Variants in SEMA3G observed in about 807,000 individuals in gnomAD.
SEMA3G encodes semaphorin-3G.
Under a neutral mutation model 86.2 loss-of-function variants are expected in SEMA3G, and 70 were observed. The observed-to-expected ratio is 0.81, with a 90% confidence interval of 0.67 to 0.99. The LOEUF is 0.99. Ranked by LOEUF, SEMA3G falls within the 50% of genes least tolerant of loss-of-function variation. The probability of loss-of-function intolerance (pLI) is 0.00; values close to 1 mark genes in which losing one functional copy is unlikely to be tolerated. For synonymous variants in SEMA3G, 416 were observed against 441.4 expected (o/e 0.94, Z 0.72); for missense variants, 1,002 against 1,072.4 (o/e 0.93, Z 0.92).
At chr3:52,438,843 C>CGG in intron 13 of SEMA3G, 77 bp downstream of exon 13, 1 of 1,586,724 alleles carries the variant, frequency 6.3e-7, no homozygotes, top group Non-Finnish European at 8.6e-7. Context: ...GAGGAGGCTG[C>CGG]GGAGCAGGGG....
At chr3:52,439,582 A>G in intron 12 of SEMA3G, 98 bp downstream of exon 12, 1 of 951,564 alleles carries the variant, frequency 1.1e-6, no homozygotes, top group Non-Finnish European at 1.7e-6. Flanking sequence ...CAGTAAAGAC[A>G]GGCTGGCTCC....
Position 52,435,925 on chromosome 3 carries a change from G to GCCA in SEMA3G, c.2024_2026dup (p.Val675dup). ...AGGGAACAGGTTGTCCAGCTGTGAG[G>GCCA]CCACAATCACCACCAGAGCCAGGCG... On this transcript the variant is annotated inframe_insertion, in exon 16 of 16. Transcript: ENST00000231721. 6.2e-7 allele frequency: 1 copy of GCCA among 1,613,978 alleles called. No individual in the cohort carries two copies.
rs776794855 is a variant in SEMA3G at position 52,442,817 on chromosome 3, C to T, written c.206G>A (p.Arg69His). ...GGCGTCCAGGCCACCCAGAAAGAGG[C>T]GGTCTCGGTACTCATCTAGGTACAT... ...QAMYLDEYRDRLFLGGLDALY... is the reference protein window; with the variant it reads ...QAMYLDEYRDHLFLGGLDALY... Residue 69 changes from arginine (R) to histidine (H), a missense_variant, in exon 2 of 16, where the codon CGC becomes CAC. Transcript: ENST00000231721. This position sits in a 1 kb window ranked among gnomAD's most constrained non-coding sequence, Gnocchi z 6.1. The T allele has an allele frequency of 3.5e-5, 56 of 1,613,402 alleles. No homozygotes were observed. Among genetic ancestry groups the T allele is most frequent in the Non-Finnish European group, 4.3e-5 (51 of 1,179,794 alleles).
chr3:52,442,993 G>A lies in SEMA3G; in HGVS notation c.116-86C>T. ...GAGTGGAGGTGGAGGCCCCGGCTGA[G>A]CATCCACCCCTGACACACTCACATC... On this transcript the variant is annotated intron_variant, in intron 1 of 15. Coordinates refer to ENST00000231721, the MANE Select transcript of SEMA3G (RefSeq NM_020163.3). The surrounding 1 kb of genome is among the most constrained non-coding windows in gnomAD (Gnocchi z 6.1). 1.3e-6 allele frequency: 2 copies of A among 1,547,948 alleles called. No individual in the cohort carries two copies. Among genetic ancestry groups the A allele is most frequent in the South Asian group, 1.2e-5 (1 of 83,692 alleles).
In SEMA3G at chr3:52,435,526, A is replaced by G; in HGVS notation, c.*77T>C. ...ACAGACATCCTGACCCCTCTGCCCT[A>G]GCTGGGTGGGTGGGAGATGCTGGGG... On this transcript the variant is annotated 3_prime_UTR_variant, in exon 16 of 16. Coordinates refer to ENST00000231721, the MANE Select transcript of SEMA3G (RefSeq NM_020163.3). 7.1e-7 allele frequency: 1 copy of G among 1,410,660 alleles called. No homozygotes were observed. Among genetic ancestry groups the G allele is most frequent in the Non-Finnish European group, 9.7e-7 (1 of 1,028,656 alleles). 87.4% of individuals were successfully genotyped at this position (1,410,660 alleles called of 1,614,324 possible).
At position 52,440,744 on chromosome 3, in the gene SEMA3G, G is replaced by T. The variant is rs1165699424; in HGVS notation, c.998+10C>A. 4 of 1,609,670 alleles carry T rather than the reference G, an allele frequency of 2.5e-6. No homozygotes were observed. The highest frequency in any genetic ancestry group is 1.3e-5 in the African/African-American group (1 of 74,886). ...GCCCATCGCAAGGCCGGGGTGCTGG[G>T]TGTGCCCACCTGACGGTGCTGAACA... On this transcript the variant is annotated intron_variant, in intron 9 of 15. Coordinates refer to ENST00000231721, the MANE Select transcript of SEMA3G (RefSeq NM_020163.3).
chr3:52,443,607 G>T (rs1011964498), intron 1 of SEMA3G, among the ~76,000 whole-genome samples: 1 of 152,068 alleles, frequency 6.6e-6, no homozygotes, highest in African/African-American at 2.4e-5. Context: ...GGCCACCTTT[G>T]GGAAGGCCCA....
At position 52,437,954 on chromosome 3, in the gene SEMA3G, C is replaced by T. The variant is rs1266652825; in HGVS notation, c.1738+17G>A. 6.2e-7 allele frequency: 1 copy of T among 1,606,816 alleles called. No individual in the cohort carries two copies. The highest frequency in any genetic ancestry group is 1.7e-5 in the Admixed American group (1 of 59,938). On this transcript the variant is annotated intron_variant, in intron 14 of 15. Coordinates refer to ENST00000231721, the MANE Select transcript of SEMA3G (RefSeq NM_020163.3). ...AGTTCCAGCCCAGTCTGGGCCCTCC[C>T]ACCTGCCACCACTCACCTTCCTGGC... is the stretch of plus-strand genomic sequence containing the variant.
At chr3:52,439,102 A>G (rs1706100104) in intron 12 of SEMA3G, 141 bp from the exon 13 acceptor site, 1 of 876,584 alleles carries the variant, frequency 1.1e-6, no homozygotes, top group African/African-American at 1.7e-5. Context: ...AGCTAAGGCT[A>G]GACAGTCTTT....
rs762978458 is a variant in SEMA3G, at chr3:52,438,885, G to GT, written c.1509+34_1509+35insA. ...AGGAGGCTGCGGAGCAGGGGCAGAA[G>GT]GGGGGTCCAAGAGGAGGGTGGCAGC... On this transcript the variant is annotated intron_variant, in intron 13 of 15. Transcript: ENST00000231721. 4 of 1,611,270 alleles carry GT rather than the reference G, an allele frequency of 2.5e-6. No homozygotes were observed. The African/African-American group carries it at 5.3e-5, about 22-fold the overall frequency.
In SEMA3G at chr3:52,441,418, G is replaced by A; in HGVS notation, c.668-9C>T. 1 of 1,612,856 alleles carries A rather than the reference G, an allele frequency of 6.2e-7. No individual in the cohort carries two copies. The highest frequency in any genetic ancestry group is 1.3e-5 in the African/African-American group (1 of 75,062). ...CATCACAAACCGGGGGTCTGGAAGGGTGACAGGGTCATGCTGGGTGGAGGG... is the reference window on the plus strand; with the variant it reads ...CATCACAAACCGGGGGTCTGGAAGGATGACAGGGTCATGCTGGGTGGAGGG... On this transcript the variant is annotated splice_polypyrimidine_tract_variant and intron_variant, in intron 6 of 15. Transcript: ENST00000231721.
At chr3:52,437,260 T>TA (rs1447391144) in intron 15 of SEMA3G, among the ~76,000 whole-genome samples, 1 of 152,114 alleles carries the variant, frequency 6.6e-6, no homozygotes, top group Non-Finnish European at 1.5e-5. Context: ...ATGGGAGACT[T>TA]ACTGGCCTGC....
Position 52,435,737 on chromosome 3 carries a change from C to G in SEMA3G, c.2215G>C (p.Gly739Arg), listed in dbSNP as rs760223237. The change falls in exon 16 of 16, where the codon GGC becomes CGC. Residue 739 changes from glycine (G) to arginine (R), a missense_variant. Gly to Arg is a moderately radical substitution (Grantham distance 125). Transcript: ENST00000231721. The stretch of plus-strand genomic sequence containing the variant: ...CCCCGGCTCCGGCTCCGGAAGCAGC[C>G]TGAGCATTCCGTGGTGCCCCTGCAC... ...VWCRGTTECSGCFRSRSRGKQ... is the reference protein window; with the variant it reads ...VWCRGTTECSRCFRSRSRGKQ... The G allele has an allele frequency of 1.2e-6, 2 of 1,613,994 alleles. No individual in the cohort carries two copies. The highest frequency in any genetic ancestry group is 2.7e-5 in the African/African-American group (2 of 74,948).
At chr3:52,436,403 TC>T (rs1360456183) in intron 15 of SEMA3G, among the ~76,000 whole-genome samples, 1 of 152,232 alleles carries the variant, frequency 6.6e-6, no homozygotes, top group African/African-American at 2.4e-5. Flanking sequence ...TAAGATGTTA[TC>T]CCCTTAGCCC....
Position 52,442,289 on chromosome 3 carries a change from A to G in SEMA3G, c.355T>C (p.Phe119Leu), listed in dbSNP as rs1439875739. 5 of 1,602,582 alleles carry G rather than the reference A, an allele frequency of 3.1e-6. No individual in the cohort carries two copies. In the African/African-American group the frequency reaches 6.8e-5, roughly 22 times the overall value. The part of the protein sequence containing the change: ...GRDPLTECAN[F>L]VRVLQPHNRT... The stretch of plus-strand genomic sequence containing the variant: ...TTGTGAGGCTGTAGCACCCGCACGA[A>G]GTTGGCGCACTCTGTCTGCGGGGAG... Residue 119 changes from phenylalanine (F) to leucine (L), a missense_variant, in exon 4 of 16, where the codon TTC (phenylalanine) becomes CTC (leucine). Coordinates refer to ENST00000231721, the MANE Select transcript of SEMA3G (RefSeq NM_020163.3). This position sits in a 1 kb window ranked among gnomAD's most constrained non-coding sequence, Gnocchi z 6.1.
Position 52,440,075 on chromosome 3 carries a change from C to T in SEMA3G, c.1167G>A (p.Gln389=), listed in dbSNP as rs761183117. 1 of 1,588,704 alleles carries T rather than the reference C, an allele frequency of 6.3e-7. No homozygotes were observed. The highest frequency in any genetic ancestry group is 1.3e-5 in the African/African-American group (1 of 74,260). Reference sequence around the variant, plus strand: ...TGGTGCTGCCAAAAGGCCGTCCTGGCTGTGCGGTCATCTTGCTGGGGCACT... The same window carrying T: ...TGGTGCTGCCAAAAGGCCGTCCTGGTTGTGCGGTCATCTTGCTGGGGCACT... ...PGVCPSKMTA[Q]PGRPFGSTKD... is the part of the protein sequence containing the mutation. Residue 389 remains glutamine, a synonymous_variant, in exon 11 of 16, where the codon CAG becomes CAA. Coordinates refer to ENST00000231721, the MANE Select transcript of SEMA3G (RefSeq NM_020163.3).
At position 52,442,455 on chromosome 3, in the gene SEMA3G, C is replaced by A; in HGVS notation, c.339+104G>T. ...GACCTTCAAAAGCCCTCAAGATCTG[C>A]TCCAAATGCCCCTGGTAGAGGTACC... On this transcript the variant is annotated intron_variant, in intron 3 of 15. Transcript: ENST00000231721. This position sits in a 1 kb window ranked among gnomAD's most constrained non-coding sequence, Gnocchi z 6.1. 1 of 1,417,416 alleles carries A rather than the reference C, an allele frequency of 7.1e-7. No individual in the cohort carries two copies. Among genetic ancestry groups the A allele is most frequent in the Non-Finnish European group, 9.9e-7 (1 of 1,008,434 alleles). 87.8% of individuals were successfully genotyped at this position (1,417,416 alleles called of 1,614,324 possible).
Position 52,442,486 on chromosome 3 carries a change from C to G in SEMA3G, c.339+73G>C, listed in dbSNP as rs991671550. The stretch of plus-strand genomic sequence containing the variant: ...ATGCCCCTGGTAGAGGTACCTGGGG[C>G]GTGGTCACGGATTGTCCTGGGGGTC... On this transcript the variant is annotated intron_variant, in intron 3 of 15. Coordinates refer to ENST00000231721, the MANE Select transcript of SEMA3G (RefSeq NM_020163.3). The surrounding 1 kb of genome is among the most constrained non-coding windows in gnomAD (Gnocchi z 6.1). 6.5e-6 allele frequency: 10 copies of G among 1,546,148 alleles called. No homozygotes were observed. The African/African-American group carries it at 1.4e-4, about 21-fold the overall frequency.
intron 10 of SEMA3G, 127 bp from the exon 11 acceptor site, chr3:52,440,225 A>C: frequency 1.8e-6 from 2 of 1,097,908 alleles, no homozygotes. Flanking sequence ...CTTCCACTAC[A>C]CCCACCCCAC....
Sources: allele counts gnomAD v4.1 joint callset (sites outside exome capture counted in the v4.1 genomes callset), GRCh38; gene constraint gnomAD v4.1.1; non-coding constraint Gnocchi (gnomAD v3.1); transcripts MANE v1.5; gene names NCBI Gene and HGNC (gene_info 2026-07-23, HGNC 2026-07-21).